EPG5: variants seen among roughly 807,000 people sequenced by gnomAD.
The protein encoded by EPG5 is ectopic P granules protein 5 homolog.
EPG5 carries 159 observed loss-of-function variants against 302.7 expected under a neutral mutation model. That is an observed-to-expected ratio of 0.53 (90% confidence interval 0.46 to 0.60). The LOEUF is 0.60. Ranked by LOEUF, EPG5 falls within the 20% of genes least tolerant of loss-of-function variation. EPG5 has a pLI of 0.00. For synonymous variants in EPG5, 1,158 were observed against 1,136.8 expected (o/e 1.02, Z -0.37); for missense variants, 2,896 against 3,092.4 (o/e 0.94, Z 1.51).
At chr18:45,870,444 C>T in intron 36 of EPG5, 123 bp downstream of exon 36, 1 of 749,118 alleles carries the variant, frequency 1.3e-6, no homozygotes, top group Non-Finnish European at 2.0e-6. Context: ...ACCGAGGCAA[C>T]ACAGAATGTA....
At chr18:45,949,327 G>A (rs565688160) in intron 5 of EPG5, among the ~76,000 whole-genome samples, 157 bp downstream of exon 5, 1 of 152,186 alleles carries the variant, frequency 6.6e-6, no homozygotes, top group African/African-American at 2.4e-5. Context: ...TTCAGTCTAA[G>A]AACTTTTATA....
intron 43 of EPG5, among the ~76,000 whole-genome samples, chr18:45,854,288 C>A (rs2048471097): frequency 6.6e-6 from 1 of 152,214 alleles, no homozygotes; most frequent in African/African-American, 2.4e-5. Context: ...ACCTGCTAAT[C>A]TGCTAATTAT....
chr18:45,927,286 G>A (rs1239192853), intron 13 of EPG5, among the ~76,000 whole-genome samples: 3 of 152,024 alleles, frequency 2.0e-5, no homozygotes, highest in East Asian at 1.9e-4. Flanking sequence ...TGATCCACCC[G>A]CCTCGGCCTC....
intron 10 of EPG5, among the ~76,000 whole-genome samples, chr18:45,938,684 A>C (rs1303270786): frequency 6.6e-6 from 1 of 152,158 alleles, no homozygotes. Flanking sequence ...ATATTACCAC[A>C]ATTCACCCTC....
At chr18:45,832,834 T>C in the EPG5 span, among the ~76,000 whole-genome samples, 3 of 152,242 alleles carry the variant, frequency 2.0e-5, no homozygotes, top group South Asian at 4.2e-4. Flanking sequence ...CGCATTTTTT[T>C]CCCTGGGCAA....
intron 1 of EPG5, among the ~76,000 whole-genome samples, chr18:45,964,471 T>C (rs557235560): frequency 1.3e-5 from 2 of 152,276 alleles, no homozygotes; most frequent in Non-Finnish European, 2.9e-5. Context: ...ACAACTAACA[T>C]TTATGTGTTA....
At chr18:45,955,889 G>A (rs945917357) in intron 1 of EPG5, among the ~76,000 whole-genome samples, 1 of 152,128 alleles carries the variant, frequency 6.6e-6, no homozygotes. Context: ...TTCCATACAG[G>A]AAAATTCCAA....
At position 45,948,553 on chromosome 18, in the gene EPG5, T is replaced by C; in HGVS notation, c.1521A>G (p.Ser507=). 1 of 1,613,854 alleles carries C rather than the reference T, an allele frequency of 6.2e-7. No homozygotes were observed. Reference sequence around the variant, plus strand: ...GGGATTGCATAAAATGAAAGACCCCTGATGGGTTATGCAACACTTTGATCT... The same window carrying C: ...GGGATTGCATAAAATGAAAGACCCCCGATGGGTTATGCAACACTTTGATCT... ...FIQIKVLHNP[S]GVFHFMQSLA... Residue 507 remains serine (S), a synonymous_variant, in exon 6 of 44, where the codon TCA becomes TCG. Transcript: ENST00000282041.
In EPG5 at chr18:45,954,833, T is replaced by A. The variant is rs1435833215; in HGVS notation, c.569A>T (p.Glu190Val). ...EDKQGLVCSS[E>V]VPQNVGLQSS... ...CTGCAAGCCAACATTCTGTGGCACC[T>A]CTGAAGAACAAACCAGGCCTTGTTT... The change falls in exon 2 of 44, where the codon GAG becomes GTG. Residue 190 changes from glutamate to valine, a missense_variant. Glu to Val is a moderately radical substitution (Grantham distance 121). Around this residue, in one of 5 missense-constraint regions of EPG5, gnomAD observed 1,390 missense variants for 1,430.0 expected, o/e 0.97. Coordinates refer to ENST00000282041, the MANE Select transcript of EPG5 (RefSeq NM_020964.3). The A allele has an allele frequency of 1.2e-6, 2 of 1,614,124 alleles. No homozygotes were observed. Among genetic ancestry groups the A allele is most frequent in the Non-Finnish European group, 1.7e-6 (2 of 1,180,044 alleles).
chr18:45,871,297 C>A (rs887437085), intron 35 of EPG5, among the ~76,000 whole-genome samples: 1 of 152,154 alleles, frequency 6.6e-6, no homozygotes, highest in Non-Finnish European at 1.5e-5. Flanking sequence ...TAGAGAGGAT[C>A]TGGAGAGAAA....
At position 45,955,117 on chromosome 18, in the gene EPG5, G is replaced by T; in HGVS notation, c.285C>A (p.Ser95=). 1 of 1,613,974 alleles carries T rather than the reference G, an allele frequency of 6.2e-7. No individual in the cohort carries two copies. Among genetic ancestry groups the T allele is most frequent in the Non-Finnish European group, 8.5e-7 (1 of 1,179,956 alleles). Reference sequence around the variant, plus strand: ...TTGGGGGCTCTGTGTTACACGTCAGGGACTCTTCATTGCTTATAGTTAAGG... The same window carrying T: ...TTGGGGGCTCTGTGTTACACGTCAGTGACTCTTCATTGCTTATAGTTAAGG... ...LTSLTISNEE[S]LTCNTEPPKE... is the part of the protein sequence containing the mutation. Residue 95 remains serine (S), a synonymous_variant, in exon 2 of 44, where the codon TCC becomes TCA. Transcript: ENST00000282041.
the EPG5 span, among the ~76,000 whole-genome samples, chr18:45,811,083 C>T: frequency 1.3e-5 from 2 of 152,112 alleles, no homozygotes; most frequent in African/African-American, 4.8e-5. Context: ...AAGTTGAAAG[C>T]ATTCCCTCTG....
chr18:45,817,585 G>A, the EPG5 span, among the ~76,000 whole-genome samples: 1 of 152,240 alleles, frequency 6.6e-6, no homozygotes, highest in Admixed American at 6.5e-5. Flanking sequence ...ACTGAAGCTG[G>A]AGGATCTGCT....
chr18:45,903,959 C>T lies in EPG5; in HGVS notation c.4474+14G>A, dbSNP rs1251131835. 1.3e-6 allele frequency: 2 copies of T among 1,593,010 alleles called. No individual in the cohort carries two copies. The highest frequency in any genetic ancestry group is 2.3e-5 in the South Asian group (2 of 87,210). On this transcript the variant is annotated intron_variant, in intron 25 of 43. Coordinates refer to ENST00000282041, the MANE Select transcript of EPG5 (RefSeq NM_020964.3). ...ATTCACTCATTCGAAGGGGCAGGTG[C>T]TCCCAGGACCCACCCAGCAAAGGAT...
In EPG5 at chr18:45,915,723, C is replaced by T. The variant is rs2050015933; in HGVS notation, c.3583-102G>A. 6 of 884,488 alleles carry T rather than the reference C, an allele frequency of 6.8e-6. No individual in the cohort carries two copies. The South Asian group carries it at 8.0e-5, about 12-fold the overall frequency. The allele number at this position is 884,488 out of a possible 1,614,324, so 54.8% of individuals were successfully genotyped here. A position where few individuals can be genotyped will look rare whatever the true frequency, so the allele number is the denominator to read the frequency against. Reference sequence around the variant, plus strand: ...AACTGTCTTACTACAATACAAGATTCTGATAAGACAGAGATTTCAAGGATG... The same window carrying T: ...AACTGTCTTACTACAATACAAGATTTTGATAAGACAGAGATTTCAAGGATG... On this transcript the variant is annotated intron_variant, in intron 19 of 43. Transcript: ENST00000282041.
At chr18:45,947,978 T>C (rs1486898702) in intron 6 of EPG5, among the ~76,000 whole-genome samples, 3 of 152,114 alleles carry the variant, frequency 2.0e-5, no homozygotes, top group African/African-American at 7.2e-5. Flanking sequence ...TTTCACCGTG[T>C]TGGCCAGGCT....
the EPG5 span, chr18:45,837,695 C>A: frequency 2.4e-5 from 35 of 1,476,492 alleles, 1 homozygote; most frequent in South Asian, 4.3e-4. Flanking sequence ...CGCTGCGGCG[C>A]GGGGCAGCGA....
In EPG5 at chr18:45,917,794, T is replaced by G; in HGVS notation, c.3124A>C (p.Ile1042Leu). Residue 1042 changes from isoleucine (I) to leucine (L), a missense_variant, in exon 17 of 44, where the codon ATC (isoleucine) becomes CTC (leucine). By Grantham distance (5) the Ile-to-Leu change is conservative. Coordinates refer to ENST00000282041, the MANE Select transcript of EPG5 (RefSeq NM_020964.3). The part of the protein sequence containing the change: ...HSIEKFCAEG[I>L]PLLGILVQSR... The stretch of plus-strand genomic sequence containing the variant: ...TGGACCAGAATTCCCAATAGTGGGA[T>G]GCCTTCTGCACAGAACTTCTCAATG... The G allele has an allele frequency of 6.2e-7, 1 of 1,614,140 alleles. No individual in the cohort carries two copies. The highest frequency in any genetic ancestry group is 8.5e-7 in the Non-Finnish European group (1 of 1,179,996).
chr18:45,820,673 A>T, the EPG5 span, among the ~76,000 whole-genome samples: 1 of 152,060 alleles, frequency 6.6e-6, no homozygotes, highest in East Asian at 1.9e-4. Flanking sequence ...ATCAAATCAA[A>T]CCTGCTTACA....
Sources: allele counts gnomAD v4.1 joint callset (sites outside exome capture counted in the v4.1 genomes callset), GRCh38; gene constraint gnomAD v4.1.1; regional missense constraint gnomAD v4.1.1; transcripts MANE v1.5; gene names NCBI Gene and HGNC (gene_info 2026-07-23, HGNC 2026-07-21).